Variants in CYB5R2 observed in about 807,000 individuals in gnomAD.
CYB5R2 encodes the protein NADH-cytochrome b5 reductase 2.
A neutral mutation model predicts 29.8 loss-of-function variants in CYB5R2; 35 were observed. The observed-to-expected ratio is 1.17, with a 90% CI of 0.90 to 1.56. The LOEUF is 1.56. Among genes scored for constraint, CYB5R2 ranks in the 40% most tolerant of loss-of-function variants. The probability of loss-of-function intolerance (pLI) is 0.00; values close to 1 mark genes in which losing one functional copy is unlikely to be tolerated. For missense variants in CYB5R2, 419 were observed against 346.7 expected (o/e 1.21, Z -1.66); for synonymous variants, 169 against 130.6 (o/e 1.29, Z -2.01).
At chr11:7,673,037 CAGAA>C in intron 1 of CYB5R2, 146 bp from the exon 2 acceptor site, 1 of 763,240 alleles carries the variant, frequency 1.3e-6, no homozygotes, top group South Asian at 1.7e-5. Flanking sequence ...AGTAGTGACA[CAGAA>C]GGCGGCTGGG....
intron 5 of CYB5R2, chr11:7,668,780 C>G (rs370324831): frequency 1.7e-6 from 1 of 605,408 alleles, no homozygotes; most frequent in Non-Finnish European, 2.9e-6. Context: ...GGGGAATCGC[C>G]GGGCCTTCTG....
In CYB5R2 at chr11:7,669,783, G is replaced by A. The variant is rs7103896; in HGVS notation, c.152-52C>T. The A allele has an allele frequency of 3.0e-6, 4 of 1,320,912 alleles. No individual in the cohort carries two copies. In the African/African-American group the frequency reaches 5.8e-5, roughly 19 times the overall value. 81.8% of individuals were successfully genotyped at this position (1,320,912 alleles called of 1,614,324 possible). A position where few individuals can be genotyped will look rare whatever the true frequency, so the allele number is the denominator to read the frequency against. On this transcript the variant is annotated intron_variant, in intron 3 of 8. Coordinates refer to ENST00000299498, the MANE Select transcript of CYB5R2 (RefSeq NM_016229.5). ...TCAAAGCATATTTAGCTTAAATAAG[G>A]CCCAGGAATAAAGGACTGAGCTTCA...
At chr11:7,673,527 C>T (rs1218244244), upstream of CYB5R2, 3 of 985,554 alleles carry the variant, frequency 3.0e-6, no homozygotes, top group Non-Finnish European at 3.6e-6. Flanking sequence ...AGCCGGCCCG[C>T]CCCACTCCCC....
upstream of CYB5R2, chr11:7,673,593 C>A (rs1415075274): frequency 5.1e-6 from 5 of 985,488 alleles, no homozygotes; most frequent in Non-Finnish European, 1.2e-6. Context: ...CGGCCCCCAA[C>A]CTCCCGGTCG....
At position 7,667,818 on chromosome 11, in the gene CYB5R2, A is replaced by C; in HGVS notation, c.473-5T>G. The C allele has an allele frequency of 3.1e-6, 5 of 1,613,762 alleles. No homozygotes were observed. Among genetic ancestry groups the C allele is most frequent in the Non-Finnish European group, 4.2e-6 (5 of 1,179,644 alleles). The stretch of plus-strand genomic sequence containing the variant: ...GCTGCAACATGGGTGTGATGCCTGG[A>C]ACACAGTGAGCGAGCAGCCAGCTTT... On this transcript the variant is annotated splice_region_variant and splice_polypyrimidine_tract_variant and intron_variant, in intron 6 of 8. Coordinates refer to ENST00000299498, the MANE Select transcript of CYB5R2 (RefSeq NM_016229.5).
At chr11:7,674,034 G>T, upstream of CYB5R2, 1 of 1,171,986 alleles carries the variant, frequency 8.5e-7, no homozygotes, top group South Asian at 1.6e-5. Flanking sequence ...TGGCGTCCTC[G>T]CTCCTGCGCT....
intron 6 of CYB5R2, 71 bp from the exon 7 acceptor site, chr11:7,667,884 G>C: frequency 1.6e-6 from 2 of 1,218,140 alleles, no homozygotes; most frequent in Non-Finnish European, 2.4e-6. Flanking sequence ...CCTGCAGCAA[G>C]CTTCATACCT....
In CYB5R2 at chr11:7,665,495, A is replaced by G. The variant is rs1855066606; in HGVS notation, c.710T>C (p.Leu237Pro). The G allele has an allele frequency of 3.7e-6, 6 of 1,613,902 alleles. No homozygotes were observed. The highest frequency in any genetic ancestry group is 5.1e-6 in the Non-Finnish European group (6 of 1,179,906). The change falls in exon 9 of 9, where the codon CTT becomes CCT. Residue 237 changes from leucine to proline, a missense_variant. By Grantham distance (98) the Leu-to-Pro change is moderately conservative. Transcript: ENST00000299498. Reference protein sequence around the residue: ...FVTADMIKEHLPPPAKSTLIL... With the variant: ...FVTADMIKEHPPPPAKSTLIL... Reference sequence around the variant, plus strand: ...GAGCGTGGACTTCGCTGGAGGAGGAAGGTGCTCCTTGATCATGTCGGCAGT... The same window carrying G: ...GAGCGTGGACTTCGCTGGAGGAGGAGGGTGCTCCTTGATCATGTCGGCAGT...
chr11:7,673,492 T>C lies in CYB5R2; in HGVS notation c.-140A>G. ...GTTGCCTCTCCTCCCGCCGGGTCAC[T>C]GGAGTCTCAGCCTTCCGGAATCCGA... is the stretch of plus-strand genomic sequence containing the variant. On this transcript the variant is annotated 5_prime_UTR_variant, in exon 1 of 9. Transcript: ENST00000299498. 1.0e-6 allele frequency: 1 copy of C among 986,410 alleles called. No individual in the cohort carries two copies. The highest frequency in any genetic ancestry group is 1.2e-6 in the Non-Finnish European group (1 of 830,748). The allele number at this position is 986,410 out of a possible 1,614,324, so 61.1% of individuals were successfully genotyped here.
intron 7 of CYB5R2, chr11:7,667,158 A>ATAATC (rs373472639): frequency 3.9e-5 from 6 of 152,394 alleles, no homozygotes; most frequent in Admixed American, 2.0e-4. Context: ...GTTTTAGAAA[A>ATAATC]TAATCTAAAA....
rs1420725107 is a variant in CYB5R2 at position 7,669,660 on chromosome 11, C to T, written c.223G>A (p.Asp75Asn). 2 of 1,611,558 alleles carry T rather than the reference C, an allele frequency of 1.2e-6. No homozygotes were observed. The highest frequency in any genetic ancestry group is 1.1e-5 in the South Asian group (1 of 90,702). ...AGGTCCACAAAGCCTCTGTCATCATCACTGGAGACAGGGGTGTAAGCCCTG... is the reference window on the plus strand; with the variant it reads ...AGGTCCACAAAGCCTCTGTCATCATTACTGGAGACAGGGGTGTAAGCCCTG... Reference protein sequence around the residue: ...VVRAYTPVSSDDDRGFVDLII... With the variant: ...VVRAYTPVSSNDDRGFVDLII... Residue 75 changes from aspartate (D) to asparagine (N), a missense_variant, in exon 4 of 9, where the codon GAT (aspartate) becomes AAT (asparagine). Physicochemically the swap from Asp to Asn is conservative, Grantham distance 23. Transcript: ENST00000299498.
At chr11:7,665,847 A>C in intron 8 of CYB5R2, 1 of 1,535,904 alleles carries the variant, frequency 6.5e-7, no homozygotes, top group Non-Finnish European at 8.7e-7. Context: ...GAATCAGTAC[A>C]GCCAGCTGGA....
In CYB5R2 at chr11:7,668,579, G is replaced by A; in HGVS notation, c.389-18C>T. The A allele has an allele frequency of 6.3e-7, 1 of 1,592,768 alleles. No individual in the cohort carries two copies. The highest frequency in any genetic ancestry group is 8.6e-7 in the Non-Finnish European group (1 of 1,160,548). On this transcript the variant is annotated intron_variant, in intron 5 of 8. Coordinates refer to ENST00000299498, the MANE Select transcript of CYB5R2 (RefSeq NM_016229.5). ...AAGATTCCCTGGAAACACAGAGAAT[G>A]CTTATGACCTCTGCAGTTCTTGCCT...
chr11:7,668,871 T>C, intron 5 of CYB5R2: 2 of 576,048 alleles, frequency 3.5e-6, no homozygotes, highest in South Asian at 3.9e-5. Flanking sequence ...AACCAGTGAG[T>C]AAACAATGGC....
rs924687853 is a variant in CYB5R2, at chr11:7,666,134, T to A, written c.658+317A>T. 23 of 609,168 alleles carry A rather than the reference T, an allele frequency of 3.8e-5. No individual in the cohort carries two copies. In the South Asian group the frequency reaches 4.2e-4, roughly 11 times the overall value. The allele number at this position is 609,168 out of a possible 1,614,324, so 37.7% of individuals were successfully genotyped here. On this transcript the variant is annotated intron_variant, in intron 8 of 8. Coordinates refer to ENST00000299498, the MANE Select transcript of CYB5R2 (RefSeq NM_016229.5). ...AGTGGTGAAGGGGTCAGTGCCCATATTAGATGTGTATGTGATGGCTGTGTG... is the reference window on the plus strand; with the variant it reads ...AGTGGTGAAGGGGTCAGTGCCCATAATAGATGTGTATGTGATGGCTGTGTG...
At position 7,666,470 on chromosome 11, in the gene CYB5R2, G is replaced by C. The variant is rs1331255681; in HGVS notation, c.639C>G (p.Thr213=). ...TCGTACCAATGGGAGGCCTGTCCAGGGTGTACCACAGGTTGAACTGGTCTG... is the reference window on the plus strand; with the variant it reads ...TCGTACCAATGGGAGGCCTGTCCAGCGTGTACCACAGGTTGAACTGGTCTG... ...THPDQFNLWY[T]LDRPPIGWKY... is the part of the protein sequence containing the mutation. Residue 213 remains threonine, a synonymous_variant, in exon 8 of 9, where the codon ACC becomes ACG. Transcript: ENST00000299498. 6.2e-7 allele frequency: 1 copy of C among 1,612,528 alleles called. No homozygotes were observed. Among genetic ancestry groups the C allele is most frequent in the South Asian group, 1.1e-5 (1 of 91,012 alleles).
rs1855021124 is a variant in CYB5R2, at chr11:7,665,118, G to GTTTA, written c.*252_*255dup. ...CATGGGCTGTCTGCTTTGTACTTGA[G>GTTTA]TTTATTTCACAAAACCACGGAGAAA... On this transcript the variant is annotated 3_prime_UTR_variant, in exon 9 of 9. Coordinates refer to ENST00000299498, the MANE Select transcript of CYB5R2 (RefSeq NM_016229.5). 2.9e-6 allele frequency: 1 copy of GTTTA among 350,482 alleles called. No individual in the cohort carries two copies. The highest frequency in any genetic ancestry group is 5.2e-6 in the Non-Finnish European group (1 of 193,184). 21.7% of individuals were successfully genotyped at this position (350,482 alleles called of 1,614,324 possible).
intron 7 of CYB5R2, 41 bp from the exon 8 acceptor site, chr11:7,666,591 T>C (rs755089604): frequency 7.0e-7 from 1 of 1,438,110 alleles, no homozygotes; most frequent in Admixed American, 1.7e-5. Context: ...TCCAGGGCCA[T>C]CCTCTTGTTC....
chr11:7,666,220 G>GTA, intron 8 of CYB5R2: 1 of 594,190 alleles, frequency 1.7e-6, no homozygotes. Context: ...AGTGCAGCGT[G>GTA]AGGTGCTGCT....
Sources: gnomAD v4.1 joint callset for allele counts on GRCh38, gnomAD v4.1.1 for gene constraint, MANE v1.5 for transcripts, NCBI Gene and HGNC (gene_info 2026-07-23, HGNC 2026-07-21) for gene names.